The following PCDHA1 variants were observed in gnomAD, a reference collection of about 807,000 sequenced individuals.
PCDHA1 encodes protocadherin alpha-1.
PCDHA1 carries 42 observed loss-of-function variants against 61.3 expected under a neutral mutation model. The ratio of observed to expected loss-of-function variants is 0.69; its 90% CI spans 0.54 to 0.89. The LOEUF is 0.89. Among genes scored for constraint, PCDHA1 ranks in the 40% least tolerant of loss-of-function variants. The pLI, the probability that PCDHA1 is intolerant of heterozygous loss-of-function variation, is 0.00. For synonymous variants in PCDHA1, 610 were observed against 553.8 expected (o/e 1.10, Z -1.43); for missense variants, 1,256 against 1,235.3 (o/e 1.02, Z -0.25).
At chr5:140,871,450 G>C (rs781785142) in intron 1 of PCDHA1, 1 of 1,608,836 alleles carries the variant, frequency 6.2e-7, no homozygotes, top group Non-Finnish European at 8.5e-7. Flanking sequence ...GAATAAAGAG[G>C]AGGAAGGGGA....
rs1554117811 is a variant in PCDHA1 at position 140,787,419 on chromosome 5, C to T, written c.1129C>T (p.Arg377Cys). 3.7e-6 allele frequency: 6 copies of T among 1,614,106 alleles called. No individual in the cohort carries two copies. The Admixed American group carries it at 5.0e-5, about 13-fold the overall frequency. Residue 377 changes from arginine (R) to cysteine (C), a missense_variant, in exon 1 of 4, where the codon CGT becomes TGT. By Grantham distance (180) the Arg-to-Cys change is radical (BLOSUM62 -3). Coordinates refer to ENST00000504120, the MANE Select transcript of PCDHA1 (RefSeq NM_018900.4). Reference sequence around the variant, plus strand: ...CATCGCCCTCATCACCGTGTCTGACCGTGACTCAGGTGCCAACGGGCAGGT... The same window carrying T: ...CATCGCCCTCATCACCGTGTCTGACTGTGACTCAGGTGCCAACGGGCAGGT... Reference protein sequence around the residue: ...TVIALITVSDRDSGANGQVTC... With the variant: ...TVIALITVSDCDSGANGQVTC...
At chr5:140,823,775 C>A (rs2150129029) in intron 1 of PCDHA1, 3 of 1,613,850 alleles carry the variant, frequency 1.9e-6, no homozygotes, top group African/African-American at 2.7e-5. Context: ...GTGCTGGTGT[C>A]GCTGGTGGAA....
chr5:140,919,038 C>A (rs2078983263), intron 1 of PCDHA1, among the ~76,000 whole-genome samples: 1 of 152,046 alleles, frequency 6.6e-6, no homozygotes, highest in Non-Finnish European at 1.5e-5. Context: ...TAGTTGTTGT[C>A]CATTATTGGA....
chr5:140,829,392 CG>C (rs1770273562), intron 1 of PCDHA1: 1 of 1,614,042 alleles, frequency 6.2e-7, no homozygotes, highest in Non-Finnish European at 8.5e-7. Context: ...GGCTCGCCTT[CG>C]CTGTGGGCCA....
intron 1 of PCDHA1, chr5:140,835,375 C>T: frequency 1.2e-6 from 2 of 1,613,976 alleles, no homozygotes; most frequent in Non-Finnish European, 1.7e-6. Flanking sequence ...CCACCCCTGG[C>T]TGGTCATTGT....
At chr5:140,842,039 C>A (rs2150327781) in intron 1 of PCDHA1, 4 of 1,613,698 alleles carry the variant, frequency 2.5e-6, no homozygotes, top group Admixed American at 3.3e-5. Flanking sequence ...TGATAATGCT[C>A]CCACTTTCGA....
intron 3 of PCDHA1, among the ~76,000 whole-genome samples, chr5:140,982,811 A>G (rs1024619481): frequency 1.3e-5 from 2 of 150,966 alleles, no homozygotes; most frequent in Non-Finnish European, 1.5e-5. Flanking sequence ...GTGTGTGTGT[A>G]TGAAGTTTTT....
At chr5:140,836,672 C>G (rs2150267448) in intron 1 of PCDHA1, 2 of 1,613,274 alleles carry the variant, frequency 1.2e-6, no homozygotes, top group Non-Finnish European at 1.7e-6. Context: ...CTGGGGAGGG[C>G]CCACCCAAGA....
chr5:140,965,990 G>A (rs1292240100), intron 1 of PCDHA1, among the ~76,000 whole-genome samples: 4 of 152,194 alleles, frequency 2.6e-5, no homozygotes, highest in African/African-American at 9.6e-5. Context: ...ACTTTCTGCA[G>A]TACTTAAGAG....
intron 1 of PCDHA1, chr5:140,875,357 C>G (rs1173514822): frequency 6.9e-7 from 1 of 1,446,594 alleles, no homozygotes; most frequent in Non-Finnish European, 9.1e-7. Flanking sequence ...GACTGTGATG[C>G]TGGAAAAAAT....
intron 3 of PCDHA1, among the ~76,000 whole-genome samples, chr5:141,004,974 G>T (rs557503446): frequency 6.6e-6 from 1 of 152,302 alleles, no homozygotes; most frequent in South Asian, 2.1e-4. Context: ...CTGTAAATTT[G>T]CAGTATCATT....
chr5:140,939,900 A>G (rs916984176), intron 1 of PCDHA1, among the ~76,000 whole-genome samples: 5 of 152,150 alleles, frequency 3.3e-5, no homozygotes, highest in Admixed American at 3.3e-4. Flanking sequence ...AATATTCTGC[A>G]TTCTTTTTTA....
chr5:140,869,381 A>G, intron 1 of PCDHA1: 2 of 1,614,128 alleles, frequency 1.2e-6, no homozygotes, highest in South Asian at 1.1e-5. Flanking sequence ...ATCGACCGCG[A>G]GGAGCTGTGC....
At chr5:140,828,306 A>G (rs1554131180) in intron 1 of PCDHA1, 3 of 1,613,930 alleles carry the variant, frequency 1.9e-6, no homozygotes, top group Non-Finnish European at 2.5e-6. Context: ...AAAGACCGCG[A>G]GGACCTTCTG....
intron 1 of PCDHA1, among the ~76,000 whole-genome samples, chr5:140,941,126 G>T (rs1194807243): frequency 6.6e-6 from 1 of 151,906 alleles, no homozygotes; most frequent in Non-Finnish European, 1.5e-5. Flanking sequence ...GTCCTTTGAA[G>T]TTCCAGCTTA....
chr5:140,807,180 C>T (rs782006132), intron 1 of PCDHA1: 1 of 1,611,714 alleles, frequency 6.2e-7, no homozygotes, highest in South Asian at 1.1e-5. Context: ...AAATACTGTG[C>T]ACTAAAGATG....
At chr5:140,803,599 A>C in intron 1 of PCDHA1, 1 of 1,614,058 alleles carries the variant, frequency 6.2e-7, no homozygotes, top group East Asian at 2.2e-5. Flanking sequence ...AAAGTGAGTA[A>C]TTTTTATTTA....
chr5:140,968,511 C>T, intron 1 of PCDHA1: 2 of 1,614,198 alleles, frequency 1.2e-6, no homozygotes, highest in Non-Finnish European at 1.7e-6. Context: ...ATTCTGTACC[C>T]TACCTCAACC....
rs2150467797 is a variant in PCDHA1 at position 140,850,109 on chromosome 5, C to G, written c.2394+61425C>G. ...TGCTACAGTTCCAGGTGAGCGCGCG[C>G]GACGCGGGCGTGCCGCCTCTGGGCA... On this transcript the variant is annotated intron_variant, in intron 1 of 3. Coordinates refer to ENST00000504120, the MANE Select transcript of PCDHA1 (RefSeq NM_018900.4). 1.1e-4 allele frequency: 170 copies of G among 1,596,054 alleles called. 9 individuals are homozygous for G. Among genetic ancestry groups the G allele is most frequent in the Non-Finnish European group, 2.6e-5 (30 of 1,167,820 alleles).
Sources: gnomAD v4.1 joint callset for allele counts (sites outside exome capture counted in the v4.1 genomes callset) on GRCh38, gnomAD v4.1.1 for gene constraint, MANE v1.5 for transcripts, NCBI Gene and HGNC (gene_info 2026-07-23, HGNC 2026-07-21) for gene names.